Variants in ST3GAL4 observed in about 807,000 individuals in gnomAD.
ST3GAL4 encodes the protein CMP-N-acetylneuraminate-beta-galactosamide-alpha-2,3-sialyltransferase 4.
A neutral mutation model predicts 42.6 loss-of-function variants in ST3GAL4; 24 were observed. The ratio of observed to expected loss-of-function variants is 0.56; its 90% CI spans 0.41 to 0.79. The LOEUF (loss-of-function observed/expected upper bound fraction) is 0.79. Ranked by LOEUF, ST3GAL4 falls within the 30% of genes least tolerant of loss-of-function variation. The pLI is 0.00. For missense variants in ST3GAL4, 311 were observed against 430.8 expected (o/e 0.72, Z 2.46); for synonymous variants, 135 against 163.2 (o/e 0.83, Z 1.32).
rs377177309 is a variant in ST3GAL4, at chr11:126,366,595, C to T, written c.-61+10753C>T. On this transcript the variant is annotated intron_variant, in intron 1 of 10. Transcript: ENST00000444328. The surrounding 1 kb of genome is among the most constrained non-coding windows in gnomAD (Gnocchi z 4.2). Reference sequence around the variant, plus strand: ...CTCCTTCCCGTGTGCAGGGCCCTCCCCTCTGGCGAGTCTGCCTCTCACTCG... The same window carrying T: ...CTCCTTCCCGTGTGCAGGGCCCTCCTCTCTGGCGAGTCTGCCTCTCACTCG... Among the ~76,000 whole-genome samples the T allele has an allele frequency of 3.3e-5, 5 of 152,194 alleles. No homozygotes were observed. In the East Asian group the frequency reaches 7.7e-4, roughly 23 times the overall value.
intron 1 of ST3GAL4, among the ~76,000 whole-genome samples, chr11:126,372,447 G>A (rs557523015): frequency 1.4e-4 from 20 of 141,066 alleles, no homozygotes; most frequent in African/African-American, 4.5e-4. Flanking sequence ...ACAGAGTTTC[G>A]CTCTTGCTGC....
chr11:126,371,803 C>T (rs535944263), intron 1 of ST3GAL4, among the ~76,000 whole-genome samples: 2 of 152,236 alleles, frequency 1.3e-5, no homozygotes, highest in East Asian at 1.9e-4. Context: ...ATGCAATCGC[C>T]AGATTGTAAG....
chr11:126,382,659 C>T, intron 1 of ST3GAL4, among the ~76,000 whole-genome samples: 1 of 152,150 alleles, frequency 6.6e-6, no homozygotes, highest in African/African-American at 2.4e-5. Context: ...GCATCGCCTT[C>T]AGTTGATTTA....
chr11:126,389,115 ACTC>A (rs2135474037), intron 1 of ST3GAL4, among the ~76,000 whole-genome samples: 1 of 151,006 alleles, frequency 6.6e-6, no homozygotes, highest in East Asian at 1.9e-4. Flanking sequence ...TCTTCTCTCT[ACTC>A]CTCCCTCTCT....
Position 126,407,649 on chromosome 11 carries a change from C to T in ST3GAL4, c.341+15C>T, listed in dbSNP as rs763774315. 2.6e-5 allele frequency: 42 copies of T among 1,613,710 alleles called. No homozygotes were observed. In the South Asian group the frequency reaches 2.7e-4, roughly 11 times the overall value. Reference sequence around the variant, plus strand: ...AACATCCAGAGGTAAGGCGGCACTCCGACTCCAGTCTGGGCACCTTCTCCT... The same window carrying T: ...AACATCCAGAGGTAAGGCGGCACTCTGACTCCAGTCTGGGCACCTTCTCCT... On this transcript the variant is annotated intron_variant, in intron 6 of 10. Transcript: ENST00000444328.
rs1197882489 is a variant in ST3GAL4 at position 126,373,425 on chromosome 11, G to C, written c.-61+17583G>C. On this transcript the variant is annotated intron_variant, in intron 1 of 10. Transcript: ENST00000444328. This position sits in a 1 kb window ranked among gnomAD's most constrained non-coding sequence, Gnocchi z 5.5. The stretch of plus-strand genomic sequence containing the variant: ...TACTTTGGGCCCAGGCTGCACTCTT[G>C]ATTCCACCTCCTCACACTGGCTTCA... Among the ~76,000 whole-genome samples the C allele has an allele frequency of 1.3e-5, 2 of 152,182 alleles. No homozygotes were observed. Among genetic ancestry groups the C allele is most frequent in the African/African-American group, 4.8e-5 (2 of 41,440 alleles).
chr11:126,358,280 G>C (rs1952138683), intron 1 of ST3GAL4: 1 of 261,800 alleles, frequency 3.8e-6, no homozygotes, highest in East Asian at 1.5e-4. Context: ...TTTCCCTCAC[G>C]CTGGGATCCT....
rs1004522073 is a variant in ST3GAL4, at chr11:126,386,034, T to G, written c.-60-20062T>G. On this transcript the variant is annotated intron_variant, in intron 1 of 10. Transcript: ENST00000444328. This position sits in a 1 kb window ranked among gnomAD's most constrained non-coding sequence, Gnocchi z 4.7. Reference sequence around the variant, plus strand: ...GCCACCATATGGAACTTTCTGTGCCTTGCACCCAGCCAGCTCAGAGTCTTG... The same window carrying G: ...GCCACCATATGGAACTTTCTGTGCCGTGCACCCAGCCAGCTCAGAGTCTTG... Among the ~76,000 whole-genome samples, 9 of 152,154 alleles carry G rather than the reference T, an allele frequency of 5.9e-5. No homozygotes were observed. The highest frequency in any genetic ancestry group is 1.9e-4 in the African/African-American group (8 of 41,454).
In ST3GAL4 at chr11:126,376,073, C is replaced by T. The variant is rs1336731453; in HGVS notation, c.-61+20231C>T. On this transcript the variant is annotated intron_variant, in intron 1 of 10. Coordinates refer to ENST00000444328, the MANE Select transcript of ST3GAL4 (RefSeq NM_001254757.2). This position sits in a 1 kb window ranked among gnomAD's most constrained non-coding sequence, Gnocchi z 5.1. ...TCTAGAGATATAAAGAAGTTCCTGACCACAGAGTTCATAGCCTCACAGGCA... is the reference window on the plus strand; with the variant it reads ...TCTAGAGATATAAAGAAGTTCCTGATCACAGAGTTCATAGCCTCACAGGCA... Among the ~76,000 whole-genome samples the T allele has an allele frequency of 1.3e-5, 2 of 152,088 alleles. No individual in the cohort carries two copies. Among genetic ancestry groups the T allele is most frequent in the Non-Finnish European group, 2.9e-5 (2 of 68,022 alleles).
chr11:126,386,915 G>A lies in ST3GAL4; in HGVS notation c.-60-19181G>A, dbSNP rs952831502. On this transcript the variant is annotated intron_variant, in intron 1 of 10. Coordinates refer to ENST00000444328, the MANE Select transcript of ST3GAL4 (RefSeq NM_001254757.2). The surrounding 1 kb of genome is among the most constrained non-coding windows in gnomAD (Gnocchi z 4.7). ...AACACACACACCCCTCCCCCACCCC[G>A]CTGGAGAAGCCCTGCACCAGAGCAT... Among the ~76,000 whole-genome samples the A allele has an allele frequency of 1.3e-5, 2 of 151,588 alleles. No homozygotes were observed. Among genetic ancestry groups the A allele is most frequent in the African/African-American group, 2.4e-5 (1 of 41,236 alleles).
At chr11:126,390,055 C>T (rs1370867263) in intron 1 of ST3GAL4, among the ~76,000 whole-genome samples, 18 of 148,388 alleles carry the variant, frequency 1.2e-4, no homozygotes, top group Non-Finnish European at 1.8e-4. Context: ...CGGTGGGGGG[C>T]GCCTGTAGTC....
intron 1 of ST3GAL4, chr11:126,358,273 C>T (rs924822667): frequency 3.7e-6 from 1 of 267,898 alleles, no homozygotes; most frequent in South Asian, 3.0e-5. Context: ...CTCCGTGTTT[C>T]CCTCACGCTG....
chr11:126,402,098 G>GGGT (rs58653869), intron 1 of ST3GAL4, among the ~76,000 whole-genome samples: 1 of 146,744 alleles, frequency 6.8e-6, no homozygotes, highest in African/African-American at 2.5e-5. Flanking sequence ...GGAAAGAGGG[G>GGGT]AGGTAGGAGA....
At chr11:126,367,830 C>A (rs1952491183) in intron 1 of ST3GAL4, among the ~76,000 whole-genome samples, 2 of 152,166 alleles carry the variant, frequency 1.3e-5, no homozygotes, top group Admixed American at 6.5e-5. Flanking sequence ...ATCCCACATC[C>A]ATTGGTTGAA....
In ST3GAL4 at chr11:126,400,140, A is replaced by G. The variant is rs1363903553; in HGVS notation, c.-60-5956A>G. The stretch of plus-strand genomic sequence containing the variant: ...GTGCTGCTGTAACAGAATACCACAG[A>G]TTGAGTATATTATAATGAATAGAAT... On this transcript the variant is annotated intron_variant, in intron 1 of 10. Coordinates refer to ENST00000444328, the MANE Select transcript of ST3GAL4 (RefSeq NM_001254757.2). The surrounding 1 kb of genome is among the most constrained non-coding windows in gnomAD (Gnocchi z 4.6). Among the ~76,000 whole-genome samples the G allele has an allele frequency of 2.0e-5, 3 of 152,062 alleles. No individual in the cohort carries two copies. Among genetic ancestry groups the G allele is most frequent in the South Asian group, 4.1e-4 (2 of 4,828 alleles).
intron 9 of ST3GAL4, among the ~76,000 whole-genome samples, chr11:126,412,545 C>T (rs1202949575): frequency 6.6e-6 from 1 of 152,164 alleles, no homozygotes; most frequent in Non-Finnish European, 1.5e-5. Context: ...TACTGCTGTC[C>T]TGCTTTAAAG....
intron 9 of ST3GAL4, chr11:126,413,272 A>G (rs1029600647): frequency 8.9e-6 from 4 of 447,330 alleles, no homozygotes; most frequent in Non-Finnish European, 1.6e-5. Context: ...TGCACCCAGC[A>G]CATGTGGCGA....
At position 126,406,336 on chromosome 11, in the gene ST3GAL4, C is replaced by T; in HGVS notation, c.17-137C>T. On this transcript the variant is annotated intron_variant, in intron 2 of 10. Transcript: ENST00000444328. The surrounding 1 kb of genome is among the most constrained non-coding windows in gnomAD (Gnocchi z 5.4). ...GTACAATCAGGGTCAAGCCCTCAGC[C>T]AGGGCCAGGAGAGGGCCAGAGACTG... is the stretch of plus-strand genomic sequence containing the variant. 1 of 1,544,296 alleles carries T rather than the reference C, an allele frequency of 6.5e-7. No homozygotes were observed. The highest frequency in any genetic ancestry group is 8.7e-7 in the Non-Finnish European group (1 of 1,144,340).
chr11:126,371,453 G>A lies in ST3GAL4; in HGVS notation c.-61+15611G>A, dbSNP rs1314080060. 5.3e-5 allele frequency among the ~76,000 whole-genome samples: 8 copies of A among 152,166 alleles called. No homozygotes were observed. The South Asian group carries it at 1.0e-3, about 20-fold the overall frequency. ...GCTGGGATTATAGGCGTGAGCCACC[G>A]CGCCTGGCCTATTCTTTCATCATAC... On this transcript the variant is annotated intron_variant, in intron 1 of 10. Transcript: ENST00000444328.
Sources: allele counts gnomAD v4.1 joint callset (sites outside exome capture counted in the v4.1 genomes callset), GRCh38; gene constraint gnomAD v4.1.1; non-coding constraint Gnocchi (gnomAD v3.1); transcripts MANE v1.5; gene names NCBI Gene and HGNC (gene_info 2026-07-23, HGNC 2026-07-21).